The following PCLO variants were observed in gnomAD, a reference collection of about 807,000 sequenced individuals.
PCLO encodes the protein protein piccolo.
Under a neutral mutation model 427.5 loss-of-function variants are expected in PCLO, and 82 were observed. The ratio of observed to expected loss-of-function variants is 0.19; its 90% CI spans 0.16 to 0.23. PCLO has a LOEUF of 0.23. Ranked by LOEUF, PCLO falls within the 10% of genes least tolerant of loss-of-function variation. The probability of loss-of-function intolerance (pLI) is 1.00; values close to 1 mark genes in which losing one functional copy is unlikely to be tolerated. For synonymous variants in PCLO, 2,357 were observed against 2,155.4 expected (o/e 1.09, Z -2.59); for missense variants, 6,239 against 6,115.9 (o/e 1.02, Z -0.67).
intron 10 of PCLO, 89 bp downstream of exon 10, chr7:82,879,248 A>G (rs1793443565): frequency 8.6e-7 from 1 of 1,168,966 alleles, no homozygotes; most frequent in African/African-American, 1.6e-5. Flanking sequence ...ACCTACACAG[A>G]GAAGGATGAG....
At position 83,134,632 on chromosome 7, in the gene PCLO, G is replaced by A. The variant is rs768443447; in HGVS notation, c.2918C>T (p.Pro973Leu). Reference sequence around the variant, plus strand: ...TTTGGGTGGCCCTTGTGAAGTAGGTGGCTGTGAAGGGGCAGGGGCTTGTTT... The same window carrying A: ...TTTGGGTGGCCCTTGTGAAGTAGGTAGCTGTGAAGGGGCAGGGGCTTGTTT... ...PMKQAPAPSQ[P>L]PTSQGPPKST... Residue 973 changes from proline (P) to leucine (L), a missense_variant, in exon 3 of 25, where the codon CCA (proline) becomes CTA (leucine). By Grantham distance (98) the Pro-to-Leu change is moderately conservative. Coordinates refer to ENST00000333891, the MANE Select transcript of PCLO (RefSeq NM_033026.6). 1.4e-5 allele frequency: 23 copies of A among 1,613,770 alleles called. No homozygotes were observed. The African/African-American group carries it at 2.1e-4, about 15-fold the overall frequency.
intron 3 of PCLO, among the ~76,000 whole-genome samples, chr7:83,031,660 T>G: frequency 6.6e-6 from 1 of 151,930 alleles, no homozygotes; most frequent in East Asian, 1.9e-4. Flanking sequence ...TCTCTAAGAA[T>G]CACCAAGTAA....
At chr7:82,871,274 T>C (rs984008864) in intron 10 of PCLO, among the ~76,000 whole-genome samples, 1 of 151,952 alleles carries the variant, frequency 6.6e-6, no homozygotes, top group African/African-American at 2.4e-5. Context: ...TATTCATTCA[T>C]TGAAAGAATG....
At chr7:82,821,597 T>G (rs1791793325) in intron 20 of PCLO, 1 of 968,524 alleles carries the variant, frequency 1.0e-6, no homozygotes. Context: ...TTTATATAAT[T>G]ATATCAATCG....
chr7:82,879,666 A>G (rs1194883317), intron 9 of PCLO, among the ~76,000 whole-genome samples: 4 of 152,176 alleles, frequency 2.6e-5, no homozygotes, highest in Non-Finnish European at 5.9e-5. Flanking sequence ...TAGACTCTCC[A>G]ATGATTGACC....
intron 3 of PCLO, among the ~76,000 whole-genome samples, chr7:82,977,730 A>T (rs1488169043): frequency 6.6e-6 from 1 of 152,120 alleles, no homozygotes. Context: ...TCATCTATTA[A>T]ACAAGTGTGG....
intron 20 of PCLO, chr7:82,820,685 A>C (rs1791770484): frequency 8.1e-7 from 1 of 1,230,598 alleles, no homozygotes; most frequent in East Asian, 3.2e-5. Context: ...AAATCCACTA[A>C]ATTTTTAAAA....
chr7:82,892,323 G>A (rs1384919657), intron 9 of PCLO, among the ~76,000 whole-genome samples: 1 of 152,084 alleles, frequency 6.6e-6, no homozygotes, highest in Non-Finnish European at 1.5e-5. Flanking sequence ...ACAAGAAATG[G>A]GGAAAGGATT....
intron 2 of PCLO, among the ~76,000 whole-genome samples, chr7:83,143,746 CAA>C (rs1454305968): frequency 1.3e-5 from 2 of 151,138 alleles, no homozygotes; most frequent in Admixed American, 6.6e-5. Flanking sequence ...CACAATTACA[CAA>C]AGAGAGGAGG....
At chr7:83,146,974 TAAC>T in intron 2 of PCLO, among the ~76,000 whole-genome samples, 1 of 150,422 alleles carries the variant, frequency 6.6e-6, no homozygotes. Flanking sequence ...TACTAATATA[TAAC>T]AACAGGCTTA....
intron 13 of PCLO, 62 bp from the exon 14 acceptor site, chr7:82,841,571 C>T (rs947817894): frequency 6.0e-5 from 62 of 1,041,754 alleles, no homozygotes; most frequent in African/African-American, 2.3e-4. Context: ...TTTATCATTT[C>T]GGCTTCCTTC....
chr7:82,782,935 A>G (rs1396706328), intron 22 of PCLO, among the ~76,000 whole-genome samples: 1 of 152,078 alleles, frequency 6.6e-6, no homozygotes, highest in African/African-American at 2.4e-5. Flanking sequence ...ACCATACTCA[A>G]TTTTCTTTGT....
intron 2 of PCLO, among the ~76,000 whole-genome samples, chr7:83,138,603 T>A (rs146562119): frequency 2.0e-5 from 3 of 151,812 alleles, no homozygotes; most frequent in Non-Finnish European, 2.9e-5. Flanking sequence ...GGAGGTTGCA[T>A]TGAGCCGAGA....
chr7:82,965,957 T>G lies in PCLO; in HGVS notation c.3831A>C (p.Glu1277Asp), dbSNP rs781702364. The change falls in exon 4 of 25, where the codon GAA (glutamate) becomes GAC (aspartate). Residue 1277 changes from glutamate to aspartate, a missense_variant. Around this residue, in one of 5 missense-constraint regions of PCLO, gnomAD observed 4,677 missense variants for 4,468.4 expected, o/e 1.05. Coordinates refer to ENST00000333891, the MANE Select transcript of PCLO (RefSeq NM_033026.6). ...SQVQIAEEKL[E>D]GRVAPKTVQE... ...GCACTGTCTTTGGAGCCACTCTGCC[T>G]TCAAGCTTTTCTTCAGCAATTTGTA... The G allele has an allele frequency of 6.2e-7, 1 of 1,613,928 alleles. No individual in the cohort carries two copies. The highest frequency in any genetic ancestry group is 8.5e-7 in the Non-Finnish European group (1 of 1,179,874).
chr7:82,951,816 T>C, intron 5 of PCLO, 40 bp downstream of exon 5: 1 of 1,569,930 alleles, frequency 6.4e-7, no homozygotes. Context: ...AACACCATAA[T>C]GATATTTCAA....
chr7:83,061,426 G>A (rs1422811624), intron 3 of PCLO, among the ~76,000 whole-genome samples: 1 of 151,868 alleles, frequency 6.6e-6, no homozygotes, highest in Non-Finnish European at 1.5e-5. Flanking sequence ...ACTAACTAGG[G>A]GATTTATTAT....
At position 82,915,800 on chromosome 7, in the gene PCLO, T is replaced by C; in HGVS notation, c.12186A>G (p.Leu4062=). The C allele has an allele frequency of 6.2e-7, 1 of 1,612,926 alleles. No homozygotes were observed. Among genetic ancestry groups the C allele is most frequent in the Non-Finnish European group, 8.5e-7 (1 of 1,179,372 alleles). The change falls in exon 7 of 25, where the codon TTA becomes TTG. Residue 4062 remains leucine (L), a synonymous_variant. Coordinates refer to ENST00000333891, the MANE Select transcript of PCLO (RefSeq NM_033026.6). ...TTTCATGAAGGCTAAATGCGGTGCT[T>C]AATGCCGCTGTTCCTTTGGTGATCT... ...IGEITKGTAA[L]STAFSLHEKD...
intron 3 of PCLO, among the ~76,000 whole-genome samples, chr7:83,127,654 A>G (rs1432543833): frequency 3.3e-5 from 5 of 152,128 alleles, no homozygotes; most frequent in African/African-American, 1.2e-4. Context: ...AATATTCTGC[A>G]TTTCTCAGTC....
intron 6 of PCLO, among the ~76,000 whole-genome samples, chr7:82,943,660 G>A (rs900818767): frequency 1.6e-4 from 25 of 152,028 alleles, no homozygotes; most frequent in African/African-American, 6.0e-4. Context: ...ATCTGGGGTA[G>A]GATGTAAATC....
Sources: gnomAD v4.1 joint callset for allele counts (sites outside exome capture counted in the v4.1 genomes callset) on GRCh38, gnomAD v4.1.1 for gene constraint, gnomAD v4.1.1 regional missense constraint, MANE v1.5 for transcripts, NCBI Gene and HGNC (gene_info 2026-07-23, HGNC 2026-07-21) for gene names.